XKRX: variants seen among roughly 807,000 people sequenced by gnomAD.
XKRX encodes XK related X-linked, also known as XK-related protein 2.
In XKRX, 11 loss-of-function variants were observed where a neutral mutation model predicts 22.4. That is an observed-to-expected ratio of 0.49 (90% CI 0.31 to 0.81). The LOEUF (loss-of-function observed/expected upper bound fraction) is 0.81. Ranked by LOEUF, XKRX falls within the 40% of genes least tolerant of loss-of-function variation. The pLI is 0.05. For missense variants in XKRX, 320 were observed against 336.5 expected (o/e 0.95, Z 0.38); for synonymous variants, 114 against 132.2 (o/e 0.86, Z 0.94).
At chrX:100,952,767 G>C in the XKRX span, among the ~76,000 whole-genome samples, 1 of 112,198 alleles carries the variant, frequency 8.9e-6, no homozygotes, top group Admixed American at 9.5e-5. Flanking sequence ...AAATTACAAA[G>C]ATGGAGAACA....
At chrX:100,910,146 T>C (rs746831424), downstream of XKRX, among the ~76,000 whole-genome samples, 30 of 110,661 alleles carry the variant, frequency 2.7e-4, no homozygotes, top group Admixed American at 1.9e-3. Flanking sequence ...AATATGAGAA[T>C]AGCTGTTGTT....
At chrX:100,952,503 T>C in the XKRX span, among the ~76,000 whole-genome samples, 1 of 111,417 alleles carries the variant, frequency 9.0e-6, no homozygotes, top group Non-Finnish European at 1.9e-5. Context: ...CTGGAAGTTC[T>C]AACTTGCTCA....
At position 100,916,875 on chromosome X, in the gene XKRX, T is replaced by C. The variant is rs763503960; in HGVS notation, c.605-1792A>G. Among the ~76,000 whole-genome samples the C allele has an allele frequency of 1.3e-4, 15 of 112,466 alleles. No individual in the cohort carries two copies. The South Asian group carries it at 3.7e-3, about 28-fold the overall frequency. ...GACTCATGCCTGTAATCCCAGCACA[T>C]TGGGAGGCCAAGGCGGATGGATCAC... On this transcript the variant is annotated intron_variant, in intron 2 of 2. Transcript: ENST00000372956.
Position 100,914,220 on chromosome X carries a change from C to T in XKRX, c.*118G>A. 1.1e-6 allele frequency: 1 copy of T among 895,029 alleles called. No individual in the cohort carries two copies. The highest frequency in any genetic ancestry group is 2.6e-5 in the South Asian group (1 of 39,151). 73.8% of individuals were successfully genotyped at this position (895,029 alleles called of 1,213,427 possible). On this transcript the variant is annotated 3_prime_UTR_variant, in exon 3 of 3. Coordinates refer to ENST00000372956, the MANE Select transcript of XKRX (RefSeq NM_212559.3). ...TTGCTCTTTCTTCTGATAGGCTTAA[C>T]AGAAAAGTCAAGAAAATGTACTGAT...
At position 100,914,131 on chromosome X, in the gene XKRX, T is replaced by A; in HGVS notation, c.*207A>T. The A allele has an allele frequency of 2.2e-6, 1 of 464,749 alleles. No homozygotes were observed. Among genetic ancestry groups the A allele is most frequent in the South Asian group, 3.7e-5 (1 of 27,043 alleles). 38.3% of individuals were successfully genotyped at this position (464,749 alleles called of 1,213,427 possible). A position where few individuals can be genotyped will look rare whatever the true frequency, so the allele number is the denominator to read the frequency against. On this transcript the variant is annotated 3_prime_UTR_variant, in exon 3 of 3. Transcript: ENST00000372956. ...GGTATTTCTGACCCTTTCAACTATA[T>A]AGTCGATACCCCCTGTTTCCAAACA...
the XKRX span, among the ~76,000 whole-genome samples, chrX:100,942,117 G>A: frequency 9.0e-6 from 1 of 111,321 alleles, no homozygotes; most frequent in African/African-American, 3.3e-5. Flanking sequence ...CAAAGTGCTG[G>A]GATTACAGGC....
At chrX:100,903,680 T>C in the XKRX span, among the ~76,000 whole-genome samples, 1 of 112,055 alleles carries the variant, frequency 8.9e-6, no homozygotes, top group Non-Finnish European at 1.9e-5. Flanking sequence ...GTTGTTTTAA[T>C]TTGCAATTCC....
At chrX:100,897,589 A>ATG in the XKRX span, among the ~76,000 whole-genome samples, 20 of 41,995 alleles carry the variant, frequency 4.8e-4, 1 homozygote, top group Non-Finnish European at 8.0e-4. Flanking sequence ...CCACAAATAT[A>ATG]TATATGTGTG....
At chrX:100,955,518 A>T in the XKRX span, among the ~76,000 whole-genome samples, 12 of 107,462 alleles carry the variant, frequency 1.1e-4, no homozygotes, top group African/African-American at 4.0e-4. Context: ...ACTAAAAATA[A>T]AAAAATTAGC....
upstream of XKRX, among the ~76,000 whole-genome samples, chrX:100,931,785 T>A (rs2085522588): frequency 1.8e-5 from 2 of 110,492 alleles, no homozygotes; most frequent in South Asian, 7.8e-4. Context: ...CATGCAAGAC[T>A]CAGACACACT....
At chrX:100,926,131 T>G (rs1288795255) in intron 1 of XKRX, among the ~76,000 whole-genome samples, 1 of 111,901 alleles carries the variant, frequency 8.9e-6, no homozygotes, top group Non-Finnish European at 1.9e-5. Flanking sequence ...AGGCTACTGT[T>G]TTTTCTTATA....
rs1025700732 is a variant in XKRX, at chrX:100,923,081, T to C, written c.336-20A>G. ...AAACATCTGCAGAAGTAAAGCATCA[T>C]GCAAACTTAACTAAGCTGTCCTGGG... On this transcript the variant is annotated intron_variant, in intron 1 of 2. Transcript: ENST00000372956. 4 of 1,207,235 alleles carry C rather than the reference T, an allele frequency of 3.3e-6. No individual in the cohort carries two copies. The Admixed American group carries it at 6.6e-5, about 20-fold the overall frequency.
chrX:100,890,209 GT>G, the XKRX span, among the ~76,000 whole-genome samples: 1 of 110,896 alleles, frequency 9.0e-6, no homozygotes, highest in Non-Finnish European at 1.9e-5. Flanking sequence ...TAAACTCGTT[GT>G]TTTTGGTAGA....
At chrX:100,958,259 A>G in the XKRX span, among the ~76,000 whole-genome samples, 239 of 111,937 alleles carry the variant, frequency 2.1e-3, 1 homozygote, top group African/African-American at 7.4e-3. Flanking sequence ...TTTTGCACAA[A>G]CAGAAAAGAA....
At chrX:100,938,947 T>C in the XKRX span, among the ~76,000 whole-genome samples, 2 of 112,224 alleles carry the variant, frequency 1.8e-5, no homozygotes, top group Admixed American at 1.9e-4. Context: ...AAATACATTC[T>C]GGTACATCTG....
the XKRX span, among the ~76,000 whole-genome samples, chrX:100,898,507 C>T: frequency 9.4e-6 from 1 of 106,621 alleles, no homozygotes; most frequent in Non-Finnish European, 1.9e-5. Context: ...AAGCAATAGA[C>T]AGACTGAAAA....
chrX:100,910,861 T>C, downstream of XKRX: 6 of 743,414 alleles, frequency 8.1e-6, no homozygotes, highest in Non-Finnish European at 1.3e-5. Flanking sequence ...AGCTTTACCA[T>C]AAACCGTGCC....
intron 1 of XKRX, 35 bp downstream of exon 1, chrX:100,927,935 T>A: frequency 1.7e-6 from 2 of 1,159,660 alleles, no homozygotes; most frequent in Non-Finnish European, 2.3e-6. Flanking sequence ...GGGGTGGGGT[T>A]AGGGGGGTAA....
At chrX:100,908,106 A>AGTGTGTGTGTGTGTGTGTGTGTGTGTGT in the XKRX span, among the ~76,000 whole-genome samples, 10 of 86,992 alleles carry the variant, frequency 1.1e-4, no homozygotes, top group Non-Finnish European at 1.5e-4. Flanking sequence ...TCATGCATGG[A>AGTGTGTGTGTGTGTGTGTGTGTGTGTGT]GTGTGTGTGT....
Sources: allele counts gnomAD v4.1 joint callset (sites outside exome capture counted in the v4.1 genomes callset), GRCh38; gene constraint gnomAD v4.1.1; transcripts MANE v1.5; gene names NCBI Gene and HGNC (gene_info 2026-07-23, HGNC 2026-07-21).